Variants in RCSD1 observed in about 807,000 individuals in gnomAD.
The protein encoded by RCSD1 is capZ-interacting protein.
A neutral mutation model predicts 42.5 loss-of-function variants in RCSD1; 26 were observed. That is an observed-to-expected ratio of 0.61 (90% CI 0.45 to 0.85). The LOEUF (loss-of-function observed/expected upper bound fraction) is 0.85. Among genes scored for constraint, RCSD1 ranks in the 40% least tolerant of loss-of-function variants. The pLI is 0.00. For synonymous variants in RCSD1, 220 were observed against 212.2 expected (o/e 1.04, Z -0.32); for missense variants, 571 against 528.3 (o/e 1.08, Z -0.79).
chr1:167,662,568 G>A (rs186503252), intron 1 of RCSD1, among the ~76,000 whole-genome samples: 3 of 152,098 alleles, frequency 2.0e-5, no homozygotes, highest in Non-Finnish European at 4.4e-5. Flanking sequence ...CACCTCCTAG[G>A]CTATTTGAGC....
chr1:167,670,958 G>A (rs1658792916), intron 1 of RCSD1, among the ~76,000 whole-genome samples: 1 of 152,098 alleles, frequency 6.6e-6, no homozygotes. Context: ...ACAGAATATT[G>A]ACTCCAACCC....
chr1:167,684,364 T>C (rs1054017757), intron 2 of RCSD1, among the ~76,000 whole-genome samples: 5 of 152,182 alleles, frequency 3.3e-5, no homozygotes, highest in Admixed American at 2.0e-4. Context: ...GCTCCTGCCC[T>C]GTAGCCAGAG....
intron 1 of RCSD1, among the ~76,000 whole-genome samples, chr1:167,675,885 T>C (rs1457779534): frequency 6.6e-6 from 1 of 151,898 alleles, no homozygotes; most frequent in East Asian, 1.9e-4. Context: ...GCTGGGGCTC[T>C]ATCTGGGACT....
chr1:167,633,569 G>T (rs1194484906), intron 1 of RCSD1: 1 of 152,226 alleles, frequency 6.6e-6, no homozygotes, highest in African/African-American at 2.4e-5. Flanking sequence ...GTCACTTGGA[G>T]GAAAAGGTTA....
At chr1:167,676,736 C>A (rs75264142) in intron 1 of RCSD1, among the ~76,000 whole-genome samples, 11,984 of 152,206 alleles carry the variant, frequency 0.079, 1,056 homozygotes, top group African/African-American at 0.22. Context: ...ACTACTAAAC[C>A]CACAGACCCC....
intron 1 of RCSD1, among the ~76,000 whole-genome samples, chr1:167,673,223 A>G (rs1027093501): frequency 6.6e-6 from 1 of 152,250 alleles, no homozygotes; most frequent in Admixed American, 6.5e-5. Context: ...AGACATGACA[A>G]TGATTCCTTT....
intron 1 of RCSD1, among the ~76,000 whole-genome samples, chr1:167,679,249 C>G: frequency 6.6e-6 from 1 of 152,198 alleles, no homozygotes; most frequent in East Asian, 1.9e-4. Flanking sequence ...ACTCTAGGCC[C>G]CAGTTTCCTC....
intron 2 of RCSD1, among the ~76,000 whole-genome samples, chr1:167,684,531 G>A (rs754744043): frequency 2.6e-5 from 4 of 151,518 alleles, no homozygotes; most frequent in Non-Finnish European, 5.9e-5. Flanking sequence ...ACTTTGGAGA[G>A]ATTTGGGCTA....
intron 3 of RCSD1, among the ~76,000 whole-genome samples, chr1:167,685,812 A>G (rs1659220684): frequency 6.6e-6 from 1 of 152,204 alleles, no homozygotes; most frequent in Admixed American, 6.5e-5. Context: ...AACAGACCCA[A>G]TTCAGGAGCC....
intron 1 of RCSD1, among the ~76,000 whole-genome samples, chr1:167,636,814 G>C (rs533881226): frequency 5.3e-5 from 8 of 152,290 alleles, no homozygotes; most frequent in African/African-American, 1.9e-4. Context: ...TTGAACTCCT[G>C]ACCTCAGGTA....
In RCSD1 at chr1:167,706,869, C is replaced by T. The variant is rs935546183; in HGVS notation, c.*2173C>T. Among the ~76,000 whole-genome samples the T allele has an allele frequency of 6.6e-6, 1 of 152,160 alleles. No homozygotes were observed. Among genetic ancestry groups the T allele is most frequent in the East Asian group, 1.9e-4 (1 of 5,198 alleles). ...ATTTGCATGGTTGATACTGGAACTT[C>T]TAAATTTGGGATTAAAGAAATTCAT... On this transcript the variant is annotated 3_prime_UTR_variant, in exon 7 of 7. Transcript: ENST00000367854.
Position 167,697,413 on chromosome 1 carries a change from G to A in RCSD1, c.789G>A (p.Lys263=), listed in dbSNP as rs1265129243. The A allele has an allele frequency of 6.2e-7, 1 of 1,613,106 alleles. No individual in the cohort carries two copies. Among genetic ancestry groups the A allele is most frequent in the East Asian group, 2.2e-5 (1 of 44,834 alleles). The change falls in exon 6 of 7, where the codon AAG becomes AAA. Residue 263 remains lysine, a synonymous_variant. Coordinates refer to ENST00000367854, the MANE Select transcript of RCSD1 (RefSeq NM_052862.4). Reference sequence around the variant, plus strand: ...CAGAGGAAGCCAAGAACGGTGAAAAGGCCAGGCGGAGTTCAGAGGAGGTGG... The same window carrying A: ...CAGAGGAAGCCAAGAACGGTGAAAAAGCCAGGCGGAGTTCAGAGGAGGTGG... ...RATEEAKNGE[K]ARRSSEEVDG...
At chr1:167,674,115 C>A (rs1357278266) in intron 1 of RCSD1, among the ~76,000 whole-genome samples, 1 of 152,198 alleles carries the variant, frequency 6.6e-6, no homozygotes, top group Non-Finnish European at 1.5e-5. Flanking sequence ...AAGTGTCAGG[C>A]CCATAAGGTG....
At chr1:167,683,587 C>T (rs924709510) in intron 1 of RCSD1, among the ~76,000 whole-genome samples, 3 of 152,156 alleles carry the variant, frequency 2.0e-5, no homozygotes, top group Admixed American at 6.6e-5. Flanking sequence ...TGCCCTTTGC[C>T]GGTGGGGTCC....
rs73035729 is a variant in RCSD1, at chr1:167,697,917, C to T, written c.1218+75C>T. On this transcript the variant is annotated intron_variant, in intron 6 of 6. Transcript: ENST00000367854. ...TGTGCCTCTGTCACATGTCCTGTTC[C>T]GTACAGTCCCTTCATAAATCAGCTC... The T allele has an allele frequency of 8.7e-3, 11,810 of 1,360,354 alleles. 62 individuals carry two copies. Among genetic ancestry groups the T allele is most frequent in the African/African-American group, 0.014 (923 of 68,170 alleles). 84.3% of individuals were successfully genotyped at this position (1,360,354 alleles called of 1,614,324 possible).
In RCSD1 at chr1:167,697,205, A is replaced by T; in HGVS notation, c.581A>T (p.Gln194Leu). The T allele has an allele frequency of 1.2e-6, 2 of 1,614,228 alleles. No homozygotes were observed. The highest frequency in any genetic ancestry group is 8.5e-7 in the Non-Finnish European group (1 of 1,180,042). The change falls in exon 6 of 7, where the codon CAG becomes CTG. Residue 194 changes from glutamine to leucine, a missense_variant. Transcript: ENST00000367854. ...GATTTCAGGGCGGTGGAGTCATCTC[A>T]GCAGAACGGTGCTAAGGAAGAGGAT... ...LGDFRAVESS[Q>L]QNGAKEEDGD...
At chr1:167,698,311 CA>C (rs1659551148) in intron 6 of RCSD1, among the ~76,000 whole-genome samples, 1 of 152,204 alleles carries the variant, frequency 6.6e-6, no homozygotes, top group African/African-American at 2.4e-5. Context: ...GGGCAGTGGA[CA>C]GGGGGCATTC....
chr1:167,659,946 G>A (rs750180165), intron 1 of RCSD1, among the ~76,000 whole-genome samples: 6 of 152,102 alleles, frequency 3.9e-5, no homozygotes, highest in Non-Finnish European at 7.3e-5. Flanking sequence ...CTCTCCAAAA[G>A]GATGTCTGCA....
intron 1 of RCSD1, chr1:167,642,054 G>A (rs1403103089): frequency 6.6e-6 from 1 of 152,212 alleles, no homozygotes; most frequent in Non-Finnish European, 1.5e-5. Flanking sequence ...CATGGCAGAA[G>A]GAAGGAAAGT....
Sources: allele counts gnomAD v4.1 joint callset (sites outside exome capture counted in the v4.1 genomes callset), GRCh38; gene constraint gnomAD v4.1.1; transcripts MANE v1.5; gene names NCBI Gene and HGNC (gene_info 2026-07-23, HGNC 2026-07-21).